SPACA1: variants seen among roughly 807,000 people sequenced by gnomAD.
The protein encoded by SPACA1 is sperm acrosome membrane-associated protein 1.
A neutral mutation model predicts 32.6 loss-of-function variants in SPACA1; 17 were observed. That is an observed-to-expected ratio of 0.52 (90% CI 0.36 to 0.78). The LOEUF is 0.78. Among genes scored for constraint, SPACA1 ranks in the 30% least tolerant of loss-of-function variants. SPACA1 has a pLI of 0.01. For missense variants in SPACA1, 363 were observed against 373.4 expected (o/e 0.97, Z 0.23); for synonymous variants, 140 against 138.1 (o/e 1.01, Z -0.10).
intron 1 of SPACA1, 117 bp downstream of exon 1, chr6:88,048,230 T>C: frequency 5.5e-6 from 6 of 1,092,656 alleles, no homozygotes; most frequent in East Asian, 5.2e-5. Context: ...CTCTCTCTCA[T>C]ACTTCAGCCC....
At chr6:88,061,320 A>T (rs894813081) in intron 5 of SPACA1, among the ~76,000 whole-genome samples, 2 of 152,142 alleles carry the variant, frequency 1.3e-5, no homozygotes, top group African/African-American at 4.8e-5. Flanking sequence ...TGGAAATAGG[A>T]CTTTTTACAG....
chr6:88,062,669 G>A (rs1369222238), intron 5 of SPACA1, among the ~76,000 whole-genome samples: 2 of 152,080 alleles, frequency 1.3e-5, no homozygotes, highest in African/African-American at 4.8e-5. Flanking sequence ...GGTGCATGAG[G>A]TGGGTACAGT....
Position 88,066,511 on chromosome 6 carries a change from C to T in SPACA1, c.*176C>T. On this transcript the variant is annotated 3_prime_UTR_variant, in exon 7 of 7. Coordinates refer to ENST00000237201, the MANE Select transcript of SPACA1 (RefSeq NM_030960.3). ...CAGTGCATTTTTCCAGTACAGTTATCAAATATTACTTTTAATTTGTTCTCA... is the reference window on the plus strand; with the variant it reads ...CAGTGCATTTTTCCAGTACAGTTATTAAATATTACTTTTAATTTGTTCTCA... The T allele has an allele frequency of 2.3e-6, 1 of 436,568 alleles. No homozygotes were observed. The highest frequency in any genetic ancestry group is 3.8e-6 in the Non-Finnish European group (1 of 265,158). The allele number at this position is 436,568 out of a possible 1,614,324, so 27.0% of individuals were successfully genotyped here.
rs145520071 is a variant in SPACA1, at chr6:88,059,509, C to T, written c.531C>T (p.His177=). 6.2e-6 allele frequency: 10 copies of T among 1,613,204 alleles called. No individual in the cohort carries two copies. The African/African-American group carries it at 1.2e-4, about 19-fold the overall frequency. ...TCCTAGAAGTACGCAAGGAAAGTCA[C>T]CCCTTGGCTTTCGAGTGTGACACAC... ...SAILEVRKES[H]PLAFECDTLD... is the part of the protein sequence containing the mutation. The change falls in exon 5 of 7, where the codon CAC becomes CAT. Residue 177 remains histidine, a synonymous_variant. Coordinates refer to ENST00000237201, the MANE Select transcript of SPACA1 (RefSeq NM_030960.3).
intron 5 of SPACA1, among the ~76,000 whole-genome samples, chr6:88,060,491 A>G (rs1238528887): frequency 6.6e-6 from 1 of 152,242 alleles, no homozygotes; most frequent in East Asian, 1.9e-4. Context: ...GATACCGCAC[A>G]ACGTAACCAT....
In SPACA1 at chr6:88,059,550, T is replaced by C; in HGVS notation, c.572T>C (p.Ile191Thr). The C allele has an allele frequency of 6.2e-7, 1 of 1,613,506 alleles. No individual in the cohort carries two copies. The highest frequency in any genetic ancestry group is 1.1e-5 in the South Asian group (1 of 90,896). The stretch of plus-strand genomic sequence containing the variant: ...TGTGACACACTGGATAATAATGAAA[T>C]AGTAGCAACTATTAAATTCACAGTC... The part of the protein sequence containing the change: ...FECDTLDNNE[I>T]VATIKFTVYT... The change falls in exon 5 of 7, where the codon ATA (isoleucine) becomes ACA (threonine). Residue 191 changes from isoleucine (I) to threonine (T), a missense_variant. Ile to Thr is a moderately conservative substitution (Grantham distance 89). Transcript: ENST00000237201.
rs371980319 is a variant in SPACA1 at position 88,059,522 on chromosome 6, G to A, written c.544G>A (p.Glu182Lys). The change falls in exon 5 of 7, where the codon GAG (glutamate) becomes AAG (lysine). Residue 182 changes from glutamate to lysine, a missense_variant. Glu to Lys is a moderately conservative substitution (Grantham distance 56). Coordinates refer to ENST00000237201, the MANE Select transcript of SPACA1 (RefSeq NM_030960.3). Reference protein sequence around the residue: ...VRKESHPLAFECDTLDNNEIV... With the variant: ...VRKESHPLAFKCDTLDNNEIV... ...CAAGGAAAGTCACCCCTTGGCTTTC[G>A]AGTGTGACACACTGGATAATAATGA... is the stretch of plus-strand genomic sequence containing the variant. 1.1e-5 allele frequency: 17 copies of A among 1,612,884 alleles called. No individual in the cohort carries two copies. Among genetic ancestry groups the A allele is most frequent in the Admixed American group, 1.7e-5 (1 of 59,928 alleles).
intron 5 of SPACA1, among the ~76,000 whole-genome samples, chr6:88,060,251 C>G (rs1775872735): frequency 6.6e-6 from 1 of 152,100 alleles, no homozygotes; most frequent in Non-Finnish European, 1.5e-5. Flanking sequence ...GTAATTATTT[C>G]CTTTTGTTCA....
chr6:88,059,689 C>G (rs1020119532), intron 5 of SPACA1, 101 bp downstream of exon 5: 63 of 1,191,460 alleles, frequency 5.3e-5, no homozygotes, highest in Admixed American at 1.5e-4. Context: ...AGCCCTCCCC[C>G]CAGAGTTTCT....
rs895524238 is a variant in SPACA1 at position 88,064,732 on chromosome 6, A to G, written c.731+513A>G. 5.3e-5 allele frequency among the ~76,000 whole-genome samples: 8 copies of G among 149,618 alleles called. No homozygotes were observed. The South Asian group carries it at 1.2e-3, about 23-fold the overall frequency. On this transcript the variant is annotated intron_variant, in intron 6 of 6. Transcript: ENST00000237201. The stretch of plus-strand genomic sequence containing the variant: ...AAGAGGTAATATATATGTTTTATAT[A>G]TATGTACATATATATGTACATATAT...
In SPACA1 at chr6:88,048,080, G is replaced by A. The variant is rs145474393; in HGVS notation, c.175G>A (p.Ala59Thr). 16 of 1,600,686 alleles carry A rather than the reference G, an allele frequency of 1.0e-5. No individual in the cohort carries two copies. The highest frequency in any genetic ancestry group is 2.3e-5 in the East Asian group (1 of 44,332). The change falls in exon 1 of 7, where the codon GCG (alanine) becomes ACG (threonine). Residue 59 changes from alanine to threonine, a missense_variant. Coordinates refer to ENST00000237201, the MANE Select transcript of SPACA1 (RefSeq NM_030960.3). ...GACCGAAAACAACGACAGCGAGACCGCGGAGAACTACGCTCCGCCTGAAAC... is the reference window on the plus strand; with the variant it reads ...GACCGAAAACAACGACAGCGAGACCACGGAGAACTACGCTCCGCCTGAAAC... ...EETENNDSET[A>T]ENYAPPETED...
intron 1 of SPACA1, among the ~76,000 whole-genome samples, chr6:88,052,984 A>G (rs990098325): frequency 9.9e-5 from 15 of 152,250 alleles, no homozygotes. Context: ...GGGTAATTAT[A>G]TCTTAAGTAT....
chr6:88,058,134 C>T (rs1426752479), intron 3 of SPACA1, among the ~76,000 whole-genome samples: 5 of 152,138 alleles, frequency 3.3e-5, no homozygotes, highest in South Asian at 2.1e-4. Flanking sequence ...CTAACCAGTA[C>T]ATTGGAAGCC....
intron 2 of SPACA1, among the ~76,000 whole-genome samples, chr6:88,054,793 GGA>G (rs1717217651): frequency 1.3e-5 from 2 of 152,076 alleles, no homozygotes; most frequent in Admixed American, 1.3e-4. Context: ...GTTTTTATTT[GGA>G]GAAGCTTTTT....
rs199682806 is a variant in SPACA1, at chr6:88,059,502, A to C, written c.524A>C (p.Glu175Ala). ...TCAGCAATCCTAGAAGTACGCAAGGAAAGTCACCCCTTGGCTTTCGAGTGT... is the reference window on the plus strand; with the variant it reads ...TCAGCAATCCTAGAAGTACGCAAGGCAAGTCACCCCTTGGCTTTCGAGTGT... ...NDSAILEVRK[E>A]SHPLAFECDT... Residue 175 changes from glutamate to alanine, a missense_variant, in exon 5 of 7, where the codon GAA (glutamate) becomes GCA (alanine). Physicochemically the swap from Glu to Ala is moderately radical, Grantham distance 107. Transcript: ENST00000237201. 6.2e-7 allele frequency: 1 copy of C among 1,613,434 alleles called. No individual in the cohort carries two copies. The highest frequency in any genetic ancestry group is 2.2e-5 in the East Asian group (1 of 44,840).
chr6:88,064,108 T>G lies in SPACA1; in HGVS notation c.620T>G (p.Met207Arg), dbSNP rs531254603. 6.8e-6 allele frequency: 11 copies of G among 1,613,338 alleles called. No homozygotes were observed. In the South Asian group the frequency reaches 1.2e-4, roughly 18 times the overall value. Residue 207 changes from methionine (M) to arginine (R), a missense_variant, in exon 6 of 7, where the codon ATG becomes AGG. Coordinates refer to ENST00000237201, the MANE Select transcript of SPACA1 (RefSeq NM_030960.3). Reference sequence around the variant, plus strand: ...TGTGTGTTTTCTCTAGAATTGCAGATGAGAAGATCAAGCCTACCAGCCACT... The same window carrying G: ...TGTGTGTTTTCTCTAGAATTGCAGAGGAGAAGATCAAGCCTACCAGCCACT... ...FTVYTSSELQ[M>R]RRSSLPATDA...
chr6:88,057,995 C>T (rs905120543), intron 3 of SPACA1, among the ~76,000 whole-genome samples: 3 of 152,116 alleles, frequency 2.0e-5, no homozygotes, highest in African/African-American at 4.8e-5. Flanking sequence ...TGTCCTGTGG[C>T]GAAATGCTTT....
At chr6:88,050,528 G>A (rs1358455890) in intron 1 of SPACA1, among the ~76,000 whole-genome samples, 1 of 152,018 alleles carries the variant, frequency 6.6e-6, no homozygotes, top group Admixed American at 6.6e-5. Context: ...TTGCCATTAT[G>A]GGCAAAAAAT....
At chr6:88,055,401 A>G (rs1307180356) in intron 2 of SPACA1, among the ~76,000 whole-genome samples, 1 of 152,238 alleles carries the variant, frequency 6.6e-6, no homozygotes, top group African/African-American at 2.4e-5. Flanking sequence ...TATGTAAAAC[A>G]TGTAATGTAT....
Sources: allele counts gnomAD v4.1 joint callset (sites outside exome capture counted in the v4.1 genomes callset), GRCh38; gene constraint gnomAD v4.1.1; transcripts MANE v1.5; gene names NCBI Gene and HGNC (gene_info 2026-07-23, HGNC 2026-07-21).